Variants in PCSK5 observed in about 807,000 individuals in gnomAD.
PCSK5 encodes the protein proprotein convertase subtilisin/kexin type 5.
A neutral mutation model predicts 233.2 loss-of-function variants in PCSK5; 129 were observed. That is an observed-to-expected ratio of 0.55 (90% CI 0.48 to 0.64). The LOEUF (loss-of-function observed/expected upper bound fraction) is 0.64. PCSK5 is among the 30% of genes least tolerant of loss of function. The pLI is 0.00. For synonymous variants in PCSK5, 825 were observed against 879.2 expected (o/e 0.94, Z 1.09); for missense variants, 2,076 against 2,430.1 (o/e 0.85, Z 3.06).
intron 10 of PCSK5, among the ~76,000 whole-genome samples, chr9:76,153,144 A>G (rs1823742730): frequency 6.6e-6 from 1 of 152,220 alleles, no homozygotes; most frequent in Non-Finnish European, 1.5e-5. Context: ...CCTGAACTCT[A>G]AAGGAACAGA....
At chr9:76,341,192 T>C (rs1829825899) in intron 35 of PCSK5, among the ~76,000 whole-genome samples, 2 of 151,988 alleles carry the variant, frequency 1.3e-5, no homozygotes, top group African/African-American at 4.8e-5. Context: ...GCCACTGCAC[T>C]CCAGCCTGGG....
chr9:76,341,820 T>C lies in PCSK5; in HGVS notation c.4966+3373T>C, dbSNP rs540275461. ...GAAGTGATATTGATGACAGCATAGA[T>C]CCCATCAGCAATTCAATCAGCAGCT... is the stretch of plus-strand genomic sequence containing the variant. On this transcript the variant is annotated intron_variant, in intron 35 of 37. Coordinates refer to ENST00000674117, the MANE Select transcript of PCSK5 (RefSeq NM_001372043.1). Among the ~76,000 whole-genome samples, 24 of 152,310 alleles carry C rather than the reference T, an allele frequency of 1.6e-4. No homozygotes were observed. In the East Asian group the frequency reaches 4.2e-3, roughly 27 times the overall value.
chr9:76,280,043 A>G (rs1172620518), intron 24 of PCSK5, among the ~76,000 whole-genome samples: 1 of 152,120 alleles, frequency 6.6e-6, no homozygotes, highest in East Asian at 1.9e-4. Context: ...CAACCCTGCC[A>G]CAAGCCTGTC....
At chr9:76,239,467 G>C (rs547928609) in intron 23 of PCSK5, among the ~76,000 whole-genome samples, 1 of 152,268 alleles carries the variant, frequency 6.6e-6, no homozygotes, top group Non-Finnish European at 1.5e-5. Context: ...GGCTGAGGCA[G>C]GTGGATCACT....
At chr9:76,324,696 C>T (rs1022447710) in intron 32 of PCSK5, among the ~76,000 whole-genome samples, 4 of 152,132 alleles carry the variant, frequency 2.6e-5, no homozygotes, top group African/African-American at 9.7e-5. Context: ...AATCATTTGC[C>T]TCTTATTCAT....
chr9:75,911,214 T>TG (rs1822718967), intron 1 of PCSK5, among the ~76,000 whole-genome samples: 1 of 141,728 alleles, frequency 7.1e-6, no homozygotes, highest in Admixed American at 7.2e-5. Flanking sequence ...TTTTTTTTTT[T>TG]TTTTTTTTTT....
At chr9:76,067,627 T>G (rs1830331116) in intron 5 of PCSK5, among the ~76,000 whole-genome samples, 1 of 152,238 alleles carries the variant, frequency 6.6e-6, no homozygotes, top group Non-Finnish European at 1.5e-5. Context: ...TTCAAGTATC[T>G]GGTAGCACAT....
chr9:76,056,182 C>A lies in PCSK5; in HGVS notation c.633-11773C>A, dbSNP rs75389607. ...GAGTGAAATATAAAGTCACCTTTCT[C>A]CCACTTGCCATTGCTTGATAACCTA... is the stretch of plus-strand genomic sequence containing the variant. On this transcript the variant is annotated intron_variant, in intron 5 of 37. Transcript: ENST00000674117. Among the ~76,000 whole-genome samples, 1,115 of 152,264 alleles carry A rather than the reference C, an allele frequency of 7.3e-3. 11 individuals carry two copies. Among genetic ancestry groups the A allele is most frequent in the Non-Finnish European group, 9.9e-3 (672 of 68,018 alleles).
In PCSK5 at chr9:76,169,659, T is replaced by C. The variant is rs779652371; in HGVS notation, c.1620-45T>C. On this transcript the variant is annotated intron_variant, in intron 12 of 37. Coordinates refer to ENST00000674117, the MANE Select transcript of PCSK5 (RefSeq NM_001372043.1). ...GATTGTGGTATTAACTAGACCCTCA[T>C]TGGATTTGAAATATCGCACATAACA... 1.3e-5 allele frequency: 21 copies of C among 1,597,222 alleles called. 1 individual carries two copies. The South Asian group carries it at 1.7e-4, about 13-fold the overall frequency.
intron 3 of PCSK5, among the ~76,000 whole-genome samples, chr9:76,008,824 G>T (rs1827596565): frequency 1.3e-5 from 2 of 152,186 alleles, no homozygotes; most frequent in African/African-American, 2.4e-5. Flanking sequence ...GATGTCATAG[G>T]ACAAATTAGT....
At chr9:76,114,874 C>T (rs113014791) in intron 9 of PCSK5, among the ~76,000 whole-genome samples, 6 of 152,134 alleles carry the variant, frequency 3.9e-5, no homozygotes, top group Middle Eastern at 3.4e-3. Context: ...TTATAAATAT[C>T]CAGTTTGTGC....
At chr9:76,276,066 C>T (rs2842497) in intron 24 of PCSK5, among the ~76,000 whole-genome samples, 39 of 152,224 alleles carry the variant, frequency 2.6e-4, no homozygotes, top group Admixed American at 1.4e-3. Flanking sequence ...GACAAGGCCG[C>T]GGAGTAATCC....
chr9:76,122,816 CTT>C (rs11430110), intron 9 of PCSK5, among the ~76,000 whole-genome samples: 86 of 130,516 alleles, frequency 6.6e-4, no homozygotes, highest in Non-Finnish European at 1.8e-4. Flanking sequence ...CTTATTTTTT[CTT>C]TTTTTTTTCT....
intron 1 of PCSK5, among the ~76,000 whole-genome samples, chr9:75,894,415 C>T (rs747467164): frequency 2.6e-5 from 4 of 152,052 alleles, no homozygotes; most frequent in Non-Finnish European, 5.9e-5. Context: ...CAGAGTAACA[C>T]AAGAAGAAAG....
At chr9:76,142,314 T>A (rs997968166) in intron 10 of PCSK5, among the ~76,000 whole-genome samples, 3 of 151,960 alleles carry the variant, frequency 2.0e-5, no homozygotes, top group Admixed American at 2.0e-4. Context: ...CAAATAGTTA[T>A]GTAAAAATCT....
chr9:76,292,421 A>G, intron 25 of PCSK5, 146 bp downstream of exon 25: 4 of 630,606 alleles, frequency 6.3e-6, no homozygotes, highest in Non-Finnish European at 1.1e-5. Context: ...CAATTCTTGG[A>G]TTTAGCAATA....
chr9:76,140,786 G>T (rs1823182830), intron 10 of PCSK5, among the ~76,000 whole-genome samples: 2 of 152,144 alleles, frequency 1.3e-5, no homozygotes, highest in African/African-American at 4.8e-5. Context: ...CTTCAACTTA[G>T]GAACTAATGA....
At chr9:75,956,347 C>T (rs1420441406) in intron 2 of PCSK5, among the ~76,000 whole-genome samples, 1 of 152,140 alleles carries the variant, frequency 6.6e-6, no homozygotes, top group Non-Finnish European at 1.5e-5. Flanking sequence ...ACAGATAAAT[C>T]AGGGAGGTGC....
chr9:76,263,183 C>T (rs955560592), intron 24 of PCSK5, among the ~76,000 whole-genome samples: 14 of 151,996 alleles, frequency 9.2e-5, no homozygotes, highest in Non-Finnish European at 2.1e-4. Context: ...GTTGGTGGGA[C>T]TGTAAACTAG....
Sources: allele counts gnomAD v4.1 joint callset (sites outside exome capture counted in the v4.1 genomes callset), GRCh38; gene constraint gnomAD v4.1.1; transcripts MANE v1.5; gene names NCBI Gene and HGNC (gene_info 2026-07-23, HGNC 2026-07-21).